Variants in SYNPO2 observed in about 807,000 individuals in gnomAD.
The protein encoded by SYNPO2 is synaptopodin 2.
In SYNPO2, 56 loss-of-function variants were observed where a neutral mutation model predicts 85.0. That is an observed-to-expected ratio of 0.66 (90% CI 0.53 to 0.82). SYNPO2 has a LOEUF of 0.82. Ranked by LOEUF, SYNPO2 falls within the 40% of genes least tolerant of loss-of-function variation. The pLI is 0.00. For synonymous variants in SYNPO2, 602 were observed against 591.1 expected (o/e 1.02, Z -0.27); for missense variants, 1,575 against 1,534.2 (o/e 1.03, Z -0.44).
chr4:118,923,325 T>C (rs2114462), intron 1 of SYNPO2, among the ~76,000 whole-genome samples: 91,083 of 151,872 alleles, frequency 0.6, 28,568 homozygotes, highest in East Asian at 0.81. Flanking sequence ...TTCCCACTTA[T>C]AAGTGGGAGC....
intron 1 of SYNPO2, among the ~76,000 whole-genome samples, chr4:118,868,250 G>A (rs1057448308): frequency 6.6e-5 from 10 of 151,912 alleles, no homozygotes; most frequent in African/African-American, 2.4e-4. Flanking sequence ...TTCTAAATTT[G>A]GGTGATTATT....
chr4:119,017,852 A>G (rs1419069240), intron 1 of SYNPO2, among the ~76,000 whole-genome samples: 1 of 152,202 alleles, frequency 6.6e-6, no homozygotes, highest in African/African-American at 2.4e-5. Context: ...GCAAGCTGGC[A>G]TGATTGATAG....
chr4:119,042,437 C>G (rs1042769702), intron 4 of SYNPO2: 3 of 152,068 alleles, frequency 2.0e-5, no homozygotes, highest in Non-Finnish European at 4.4e-5. Context: ...GGCTGTTGGG[C>G]CCTAGACTCT....
chr4:119,007,229 T>TATATATAC (rs1183120085), intron 1 of SYNPO2, among the ~76,000 whole-genome samples: 1 of 48,058 alleles, frequency 2.1e-5, no homozygotes, highest in African/African-American at 9.2e-5. Context: ...TATATATATA[T>TATATATAC]ATATATATAT....
intron 4 of SYNPO2, among the ~76,000 whole-genome samples, chr4:119,045,529 T>C (rs1203463227): frequency 6.6e-6 from 1 of 152,228 alleles, no homozygotes; most frequent in East Asian, 1.9e-4. Flanking sequence ...CTTTGTTTAT[T>C]ATGAAAATTA....
At chr4:119,039,650 G>A (rs935975594) in intron 4 of SYNPO2, among the ~76,000 whole-genome samples, 10 of 151,988 alleles carry the variant, frequency 6.6e-5, no homozygotes, top group Middle Eastern at 3.2e-3. Flanking sequence ...AACACCTACC[G>A]CTTCCAGCCA....
intron 1 of SYNPO2, among the ~76,000 whole-genome samples, chr4:118,867,128 A>G (rs1731709870): frequency 6.6e-6 from 1 of 152,196 alleles, no homozygotes; most frequent in African/African-American, 2.4e-5. Context: ...CAACTTTTGC[A>G]CTAAGACCAC....
At chr4:118,988,014 A>G (rs1736281029) in intron 1 of SYNPO2, among the ~76,000 whole-genome samples, 1 of 152,210 alleles carries the variant, frequency 6.6e-6, no homozygotes, top group African/African-American at 2.4e-5. Flanking sequence ...CCAAAGCCAC[A>G]GAGCTATTGG....
At chr4:118,956,193 T>A (rs1338785851) in intron 1 of SYNPO2, among the ~76,000 whole-genome samples, 1 of 152,178 alleles carries the variant, frequency 6.6e-6, no homozygotes. Flanking sequence ...AAATAAGAAC[T>A]GATTTTAAAG....
rs139563107 is a variant in SYNPO2 at position 118,956,513 on chromosome 4, A to G, written c.106-66917A>G. Among the ~76,000 whole-genome samples the G allele has an allele frequency of 3.5e-3, 532 of 152,324 alleles. 2 individuals are homozygous for G. Among genetic ancestry groups the G allele is most frequent in the South Asian group, 0.011 (51 of 4,828 alleles). The stretch of plus-strand genomic sequence containing the variant: ...TAACTGTAATTATTTTTATTTTGTG[A>G]AAATCAAAATTATTTCCTATTGGGT... On this transcript the variant is annotated intron_variant, in intron 1 of 4. Coordinates refer to ENST00000307142, the MANE Select transcript of SYNPO2 (RefSeq NM_133477.3).
At chr4:118,988,804 G>A (rs560382764) in intron 1 of SYNPO2, among the ~76,000 whole-genome samples, 273 of 152,210 alleles carry the variant, frequency 1.8e-3, no homozygotes, top group Non-Finnish European at 3.4e-3. Flanking sequence ...GCATCTCTGC[G>A]AAGGTTGGTG....
intron 2 of SYNPO2, among the ~76,000 whole-genome samples, chr4:119,024,472 C>CT (rs1560992247): frequency 6.6e-6 from 1 of 152,142 alleles, no homozygotes; most frequent in African/African-American, 2.4e-5. Context: ...TACCCCTCTG[C>CT]TAATCATTCA....
intron 1 of SYNPO2, among the ~76,000 whole-genome samples, chr4:118,999,018 A>C (rs974345705): frequency 6.6e-6 from 1 of 152,218 alleles, no homozygotes; most frequent in Non-Finnish European, 1.5e-5. Flanking sequence ...GTAACATCTC[A>C]AAGATTTAGT....
chr4:118,915,455 C>T (rs1006225050), intron 1 of SYNPO2, among the ~76,000 whole-genome samples: 11 of 152,080 alleles, frequency 7.2e-5, no homozygotes, highest in African/African-American at 2.2e-4. Context: ...TGTATGTAAT[C>T]TTCGGGACTT....
At position 118,876,615 on chromosome 4, in the gene SYNPO2, CCTT is replaced by C. The variant is rs575425703; in HGVS notation, c.12+25679_12+25681del. On this transcript the variant is annotated intron_variant, in intron 1 of 4. Transcript: ENST00000610556. ...ACTTTTCCTTCCCTCCCTCCCTCCT[CCTT>C]CTTTTCTCTTTTCTTTCTTCCTTCC... 5.3e-5 allele frequency among the ~76,000 whole-genome samples: 8 copies of C among 152,028 alleles called. No homozygotes were observed. The South Asian group carries it at 1.2e-3, about 24-fold the overall frequency.
At position 119,026,656 on chromosome 4, in the gene SYNPO2, T is replaced by G. The variant is rs1002184829; in HGVS notation, c.287T>G (p.Ile96Arg). 2 of 1,610,988 alleles carry G rather than the reference T, an allele frequency of 1.2e-6. No individual in the cohort carries two copies. The highest frequency in any genetic ancestry group is 1.7e-5 in the Admixed American group (1 of 59,486). The change falls in exon 3 of 5, where the codon ATA becomes AGA. Residue 96 changes from isoleucine (I) to arginine (R), a missense_variant. Ile to Arg is a moderately conservative substitution (Grantham distance 97, BLOSUM62 -3). Coordinates refer to ENST00000307142, the MANE Select transcript of SYNPO2 (RefSeq NM_133477.3). ...RPSSGISEAL[I>R]SENENKNLEH... Reference sequence around the variant, plus strand: ...TCCAGTGGAATAAGTGAGGCTTTGATATCTGAAAATGAAAACAAAAACCTC... The same window carrying G: ...TCCAGTGGAATAAGTGAGGCTTTGAGATCTGAAAATGAAAACAAAAACCTC...
intron 1 of SYNPO2, among the ~76,000 whole-genome samples, chr4:119,008,382 G>A (rs1402480353): frequency 6.6e-6 from 1 of 151,852 alleles, no homozygotes; most frequent in Non-Finnish European, 1.5e-5. Context: ...CTTCAAAACT[G>A]AGGTGAAATG....
chr4:119,054,722 G>A (rs1194389407), intron 4 of SYNPO2, among the ~76,000 whole-genome samples: 3 of 152,128 alleles, frequency 2.0e-5, no homozygotes, highest in South Asian at 2.1e-4. Context: ...CATTCCACTG[G>A]TAAAAAGACA....
At chr4:118,866,419 G>A (rs1216130170) in intron 1 of SYNPO2, among the ~76,000 whole-genome samples, 1 of 152,168 alleles carries the variant, frequency 6.6e-6, no homozygotes, top group Non-Finnish European at 1.5e-5. Flanking sequence ...AGGCTTTGCC[G>A]ATTTCTTTGC....
Sources: gnomAD v4.1 joint callset for allele counts (sites outside exome capture counted in the v4.1 genomes callset) on GRCh38, gnomAD v4.1.1 for gene constraint, MANE v1.5 for transcripts, NCBI Gene and HGNC (gene_info 2026-07-23, HGNC 2026-07-21) for gene names.